Variants in POLD2 observed in about 807,000 individuals in gnomAD.
The protein encoded by POLD2 is DNA polymerase delta subunit 2.
A neutral mutation model predicts 48.8 loss-of-function variants in POLD2; 31 were observed. The ratio of observed to expected loss-of-function variants is 0.64; its 90% confidence interval spans 0.48 to 0.86. The LOEUF (loss-of-function observed/expected upper bound fraction) is 0.86, where lower values mean the gene tolerates loss of function less well. Ranked by LOEUF, POLD2 falls within the 40% of genes least tolerant of loss-of-function variation. POLD2 has a pLI of 0.00. For synonymous variants in POLD2, 233 were observed against 256.3 expected, an observed-to-expected ratio of 0.91 and a Z score of 0.87; for missense variants, 455 against 610.1, an observed-to-expected ratio of 0.75 and a Z score of 2.68.
At position 44,116,720 on chromosome 7, in the gene POLD2, GACCTCACA is replaced by G. The variant is rs1166314058; in HGVS notation, c.780+89_780+96del. The G allele has an allele frequency of 7.2e-5, 99 of 1,369,318 alleles. No individual in the cohort carries two copies. The highest frequency in any genetic ancestry group is 9.3e-5 in the Non-Finnish European group (91 of 978,386). The allele number at this position is 1,369,318 out of a possible 1,614,324, so 84.8% of individuals were successfully genotyped here. On this transcript the variant is annotated intron_variant, in intron 6 of 10. Coordinates refer to ENST00000610533, the MANE Select transcript of POLD2 (RefSeq NM_006230.4). This position sits in a 1 kb window ranked among gnomAD's most constrained non-coding sequence, Gnocchi z 6.1. ...CAGGGCGCTTCCCACCGACCTGCGA[GACCTCACA>G]GGGTACCCTACTCGCCCTGGGGAAG...
At chr7:44,115,609 A>G (rs972108576) in intron 9 of POLD2, 157 bp downstream of exon 9, 15 of 859,250 alleles carry the variant, frequency 1.7e-5, no homozygotes, top group Middle Eastern at 3.6e-4. Context: ...AAGATTCCAG[A>G]GTAGCTTCCA....
intron 3 of POLD2, 35 bp from the exon 4 acceptor site, chr7:44,117,777 C>A: frequency 6.2e-7 from 1 of 1,613,246 alleles, no homozygotes; most frequent in Non-Finnish European, 8.5e-7. Flanking sequence ...AATCTTGGGG[C>A]CAGAGCCCAC....
intron 10 of POLD2, 130 bp downstream of exon 10, chr7:44,115,165 G>T: frequency 1.3e-6 from 1 of 782,328 alleles, no homozygotes; most frequent in Non-Finnish European, 2.2e-6. Flanking sequence ...CAGCTGTGCA[G>T]AAGACCTCAG....
intron 1 of POLD2, chr7:44,123,133 T>G: frequency 3.7e-6 from 2 of 534,524 alleles, no homozygotes; most frequent in Non-Finnish European, 5.5e-6. Context: ...TATTTATGGA[T>G]TTACTCCAAT....
chr7:44,118,778 C>CA lies in POLD2; in HGVS notation c.221-715dup, dbSNP rs1247561336. Among the ~76,000 whole-genome samples the CA allele has an allele frequency of 1.1e-4, 17 of 152,216 alleles. No homozygotes were observed. The East Asian group carries it at 3.3e-3, about 29-fold the overall frequency. ...TTGTGATCTGCCCGCCTCGGCCTCCCAAAGTGCTGGGATTACAGTCGTGAG... is the reference window on the plus strand; with the variant it reads ...TTGTGATCTGCCCGCCTCGGCCTCCCAAAAGTGCTGGGATTACAGTCGTGAG... On this transcript the variant is annotated intron_variant, in intron 2 of 10. Coordinates refer to ENST00000610533, the MANE Select transcript of POLD2 (RefSeq NM_006230.4).
At position 44,121,944 on chromosome 7, in the gene POLD2, T is replaced by C. The variant is rs2096248819; in HGVS notation, c.110A>G (p.Gln37Arg). The C allele has an allele frequency of 6.2e-7, 1 of 1,613,770 alleles. No homozygotes were observed. Among genetic ancestry groups the C allele is most frequent in the South Asian group, 1.1e-5 (1 of 91,076 alleles). The change falls in exon 2 of 11, where the codon CAA becomes CGA. Residue 37 changes from glutamine to arginine, a missense_variant. By Grantham distance (43) the Gln-to-Arg change is conservative. Around this residue, in one of 3 missense-constraint regions of POLD2, gnomAD observed 349 missense variants for 437.4 expected, o/e 0.80. Coordinates refer to ENST00000610533, the MANE Select transcript of POLD2 (RefSeq NM_006230.4). The surrounding 1 kb of genome is among the most constrained non-coding windows in gnomAD (Gnocchi z 4.5). ...VPVATYTNSSQPFRLGERSFS... is the reference protein window; with the variant it reads ...VPVATYTNSSRPFRLGERSFS... ...GCTGCGCTCTCCTAGCCGGAAGGGT[T>C]GTGAGGAGTTGGTGTAGGTTGCCAC...
chr7:44,115,460 TG>T, intron 9 of POLD2, 64 bp from the exon 10 acceptor site: 4 of 1,062,184 alleles, frequency 3.8e-6, no homozygotes, highest in Non-Finnish European at 5.9e-6. Flanking sequence ...GCACAGGATG[TG>T]GGGCTGCAGC....
chr7:44,117,002 C>T lies in POLD2; in HGVS notation c.595G>A (p.Val199Met). ...PLDTDRFVLL[V>M]SGLGLGGGGG... The stretch of plus-strand genomic sequence containing the variant: ...CCGCCACCCAGGCCCAGGCCGGACA[C>T]CAGTAGCACAAACCTGCGGGAGAAG... The change falls in exon 6 of 11, where the codon GTG (valine) becomes ATG (methionine). Residue 199 changes from valine to methionine, a missense_variant. Around this residue, in one of 3 missense-constraint regions of POLD2, gnomAD observed 349 missense variants for 437.4 expected, o/e 0.80. Coordinates refer to ENST00000610533, the MANE Select transcript of POLD2 (RefSeq NM_006230.4). The T allele has an allele frequency of 6.2e-7, 1 of 1,613,566 alleles. No homozygotes were observed. The highest frequency in any genetic ancestry group is 1.3e-5 in the African/African-American group (1 of 75,060).
At chr7:44,122,319 G>C (rs768598587) in intron 1 of POLD2, 42 of 1,371,342 alleles carry the variant, frequency 3.1e-5, no homozygotes, top group Non-Finnish European at 3.9e-5. Flanking sequence ...AGGAAAGCTA[G>C]GAGTGTTTGT....
At position 44,117,892 on chromosome 7, in the gene POLD2, G is replaced by C. The variant is rs756799493; in HGVS notation, c.342+51C>G. On this transcript the variant is annotated intron_variant, in intron 3 of 10. Coordinates refer to ENST00000610533, the MANE Select transcript of POLD2 (RefSeq NM_006230.4). ...ACCCCACCTCCAGGGAGGTGTTCTAGTGGGAGGCCAGGTCTGCCTGGCGGC... is the reference window on the plus strand; with the variant it reads ...ACCCCACCTCCAGGGAGGTGTTCTACTGGGAGGCCAGGTCTGCCTGGCGGC... 4.4e-6 allele frequency: 7 copies of C among 1,605,414 alleles called. No homozygotes were observed. The South Asian group carries it at 6.6e-5, about 15-fold the overall frequency.
intron 2 of POLD2, among the ~76,000 whole-genome samples, chr7:44,120,634 C>A (rs1013398431): frequency 2.0e-5 from 3 of 152,108 alleles, no homozygotes; most frequent in African/African-American, 7.2e-5. Flanking sequence ...GGTGGATTTC[C>A]CCCATGCTGT....
In POLD2 at chr7:44,116,891, C is replaced by T. The variant is rs750376463; in HGVS notation, c.706G>A (p.Ala236Thr). 1.2e-5 allele frequency: 19 copies of T among 1,613,814 alleles called. No individual in the cohort carries two copies. Among genetic ancestry groups the T allele is most frequent in the Non-Finnish European group, 1.4e-5 (16 of 1,180,008 alleles). ...GCGAGGATAACCCGGGAGACGTGGG[C>T]GGCGCTGCACTGCTCCCCTTCGTCC... ...LGDEGEQCSAAHVSRVILAGN... is the reference protein window; with the variant it reads ...LGDEGEQCSATHVSRVILAGN... The change falls in exon 6 of 11, where the codon GCC becomes ACC. Residue 236 changes from alanine (A) to threonine (T), a missense_variant. Around this residue, in one of 3 missense-constraint regions of POLD2, gnomAD observed 349 missense variants for 437.4 expected, o/e 0.80. Coordinates refer to ENST00000610533, the MANE Select transcript of POLD2 (RefSeq NM_006230.4). The surrounding 1 kb of genome is among the most constrained non-coding windows in gnomAD (Gnocchi z 6.1).
At chr7:44,122,336 T>C in intron 1 of POLD2, 1 of 1,328,926 alleles carries the variant, frequency 7.5e-7, no homozygotes, top group Non-Finnish European at 9.6e-7. Context: ...TTGTCCCATC[T>C]GGAGTTCTTC....
At chr7:44,122,529 AAAT>A (rs1583571432) in intron 1 of POLD2, 4 of 884,540 alleles carry the variant, frequency 4.5e-6, no homozygotes, top group Non-Finnish European at 5.4e-6. Flanking sequence ...GCCTATTATT[AAAT>A]AATAATAGAA....
intron 2 of POLD2, among the ~76,000 whole-genome samples, chr7:44,118,815 G>A (rs981793370): frequency 1.4e-4 from 21 of 152,144 alleles, no homozygotes; most frequent in South Asian, 4.2e-4. Flanking sequence ...CACCGTGCCC[G>A]GCCATGTCTG....
Position 44,116,344 on chromosome 7 carries a change from C to T in POLD2, c.862-72G>A, listed in dbSNP as rs2096239307. 13 of 1,597,490 alleles carry T rather than the reference C, an allele frequency of 8.1e-6. No homozygotes were observed. The highest frequency in any genetic ancestry group is 1.1e-5 in the Non-Finnish European group (13 of 1,169,332). ...CCCTACACCAACTCCGGCCACTCCC[C>T]CTGCCCTCCTGCCTGCCTTCTGTTG... On this transcript the variant is annotated intron_variant, in intron 7 of 10. Transcript: ENST00000610533. The surrounding 1 kb of genome is among the most constrained non-coding windows in gnomAD (Gnocchi z 6.1).
In POLD2 at chr7:44,114,704, C is replaced by CA. The variant is rs2128809911; in HGVS notation, c.*80dup. ...CTCAAGGCTCGCATCAGCAAGTGCT[C>CA]AGGCTTTATTTACAATGCCGACACT... On this transcript the variant is annotated 3_prime_UTR_variant, in exon 11 of 11. Coordinates refer to ENST00000610533, the MANE Select transcript of POLD2 (RefSeq NM_006230.4). 7.0e-7 allele frequency: 1 copy of CA among 1,436,480 alleles called. No homozygotes were observed. The highest frequency in any genetic ancestry group is 9.5e-7 in the Non-Finnish European group (1 of 1,052,432). 89.0% of individuals were successfully genotyped at this position (1,436,480 alleles called of 1,614,324 possible). A position where few individuals can be genotyped will look rare whatever the true frequency, so the allele number is the denominator to read the frequency against.
upstream of POLD2, chr7:44,123,551 C>T (rs1411189226): frequency 1.3e-6 from 2 of 1,485,284 alleles, no homozygotes; most frequent in South Asian, 2.5e-5. Context: ...GCGCGCCTGC[C>T]CCGCCCATCG....
upstream of POLD2, chr7:44,123,732 C>G (rs569626296): frequency 3.0e-6 from 4 of 1,338,480 alleles, no homozygotes; most frequent in Non-Finnish European, 3.8e-6. Flanking sequence ...CTGGGCAACG[C>G]GGGGCGGGGG....
Sources: gnomAD v4.1 joint callset for allele counts (sites outside exome capture counted in the v4.1 genomes callset) on GRCh38, gnomAD v4.1.1 for gene constraint, gnomAD v4.1.1 regional missense constraint, Gnocchi (gnomAD v3.1) non-coding constraint, MANE v1.5 for transcripts, NCBI Gene and HGNC (gene_info 2026-07-23, HGNC 2026-07-21) for gene names.